RBKS: variants seen among roughly 807,000 people sequenced by gnomAD.
RBKS encodes the protein ribokinase.
RBKS carries 33 observed loss-of-function variants against 33.9 expected under a neutral mutation model. That is an observed-to-expected ratio of 0.97 (90% CI 0.74 to 1.30). The LOEUF (loss-of-function observed/expected upper bound fraction) is 1.30. Ranked by LOEUF, RBKS falls within the 50% of genes most tolerant of loss-of-function variation. RBKS has a pLI of 0.00. For synonymous variants in RBKS, 125 were observed against 143.0 expected (o/e 0.87, Z 0.90); for missense variants, 361 against 392.6 (o/e 0.92, Z 0.68).
intron 7 of RBKS, among the ~76,000 whole-genome samples, chr2:27,801,958 AAAAAAATAT>A (rs1558536409): frequency 4.2e-4 from 28 of 67,284 alleles, no homozygotes; most frequent in Middle Eastern, 5.7e-3. Context: ...GGGAAAAAAA[AAAAAAATAT>A]ATATATATAT....
chr2:27,829,649 G>T (rs926351643), intron 6 of RBKS, among the ~76,000 whole-genome samples: 1 of 152,166 alleles, frequency 6.6e-6, no homozygotes, highest in Non-Finnish European at 1.5e-5. Flanking sequence ...TTACAGGCGT[G>T]AGCCACCACG....
intron 5 of RBKS, among the ~76,000 whole-genome samples, chr2:27,833,792 A>G (rs1222535859): frequency 1.3e-5 from 2 of 152,226 alleles, no homozygotes; most frequent in Non-Finnish European, 2.9e-5. Context: ...AATTACATTC[A>G]TAGGAAGCTC....
intron 7 of RBKS, among the ~76,000 whole-genome samples, chr2:27,783,975 CTTTTTTTTTTT>C (rs1161206494): frequency 2.2e-4 from 12 of 55,312 alleles, no homozygotes; most frequent in Non-Finnish European, 3.6e-4. Flanking sequence ...GGGTCATTTT[CTTTTTTTTTTT>C]TTTTTTTTTT....
intron 5 of RBKS, among the ~76,000 whole-genome samples, chr2:27,836,506 T>A (rs1463491581): frequency 6.6e-6 from 1 of 152,186 alleles, no homozygotes; most frequent in Non-Finnish European, 1.5e-5. Context: ...CAAGATGGAT[T>A]AAATATTTTA....
At chr2:27,856,716 T>C (rs1663864246) in intron 2 of RBKS, among the ~76,000 whole-genome samples, 1 of 152,186 alleles carries the variant, frequency 6.6e-6, no homozygotes, top group South Asian at 2.1e-4. Flanking sequence ...CGAAGCCATT[T>C]TGGGTGCATA....
At chr2:27,871,991 A>G (rs1440819182) in intron 1 of RBKS, among the ~76,000 whole-genome samples, 1 of 152,234 alleles carries the variant, frequency 6.6e-6, no homozygotes, top group Non-Finnish European at 1.5e-5. Context: ...GCAGTTCACG[A>G]TAGGGTTCAC....
At chr2:27,801,569 GATAC>G (rs1449690813) in intron 7 of RBKS, among the ~76,000 whole-genome samples, 1 of 151,852 alleles carries the variant, frequency 6.6e-6, no homozygotes, top group African/African-American at 2.4e-5. Context: ...GTGTGAAAGT[GATAC>G]ATATTCAGTA....
chr2:27,870,577 T>C, intron 1 of RBKS: 2 of 357,954 alleles, frequency 5.6e-6, no homozygotes, highest in Non-Finnish European at 1.1e-5. Context: ...TAAGGGCATG[T>C]ACTTTAACGT....
At chr2:27,788,005 G>A (rs1028766898) in intron 7 of RBKS, among the ~76,000 whole-genome samples, 1 of 152,068 alleles carries the variant, frequency 6.6e-6, no homozygotes, top group African/African-American at 2.4e-5. Flanking sequence ...ATATCAACAG[G>A]AGCTGAAAAA....
In RBKS at chr2:27,827,639, A is replaced by AC. The variant is rs868306943; in HGVS notation, c.722dup (p.Cys241TrpfsTer10). 9.9e-6 allele frequency: 16 copies of AC among 1,613,854 alleles called. No individual in the cohort carries two copies. The African/African-American group carries it at 1.9e-4, about 19-fold the overall frequency. The stretch of plus-strand genomic sequence containing the variant: ...CAGGTTCTGTCTGTGACAGCACCAC[A>AC]CATCCTTCAGCCCCTAAGGTAATGA... On this transcript the variant is annotated frameshift_variant, in exon 7 of 8. Coordinates refer to ENST00000302188, the MANE Select transcript of RBKS (RefSeq NM_022128.3). LOFTEE classifies it high-confidence loss of function.
chr2:27,798,148 G>A (rs758123149), intron 7 of RBKS, among the ~76,000 whole-genome samples: 4 of 152,038 alleles, frequency 2.6e-5, no homozygotes, highest in Admixed American at 6.6e-5. Context: ...TCATGTAGGC[G>A]CCCAAGTCCT....
intron 7 of RBKS, among the ~76,000 whole-genome samples, chr2:27,811,810 ATC>A (rs1677990480): frequency 5.9e-5 from 9 of 152,178 alleles, no homozygotes; most frequent in Non-Finnish European, 8.8e-5. Flanking sequence ...GGTCCGGGTA[ATC>A]ATGGGGCTTG....
chr2:27,809,323 T>C (rs1677948776), intron 7 of RBKS, among the ~76,000 whole-genome samples: 1 of 152,240 alleles, frequency 6.6e-6, no homozygotes, highest in South Asian at 2.1e-4. Context: ...CTGAGAAGAA[T>C]GGCCTGTGGA....
At chr2:27,862,300 TA>T (rs1346078216) in intron 1 of RBKS, among the ~76,000 whole-genome samples, 2 of 152,194 alleles carry the variant, frequency 1.3e-5, no homozygotes, top group East Asian at 3.8e-4. Context: ...TCTCCCATGA[TA>T]TGTACATGCA....
chr2:27,788,150 A>C (rs1305192445), intron 7 of RBKS, among the ~76,000 whole-genome samples: 1 of 152,182 alleles, frequency 6.6e-6, no homozygotes, highest in Non-Finnish European at 1.5e-5. Context: ...GAAAGACTGA[A>C]TGCTTCCTCC....
At chr2:27,847,143 G>T in intron 3 of RBKS, 39 bp from the exon 4 acceptor site, 2 of 1,166,482 alleles carry the variant, frequency 1.7e-6, no homozygotes, top group Non-Finnish European at 2.6e-6. Context: ...ATGTATACAG[G>T]CTGGCATGGA....
intron 2 of RBKS, among the ~76,000 whole-genome samples, chr2:27,848,888 G>C (rs1663676149): frequency 6.6e-6 from 1 of 151,856 alleles, no homozygotes; most frequent in South Asian, 2.1e-4. Context: ...ACAGTGATGG[G>C]TTCATGAATG....
intron 7 of RBKS, among the ~76,000 whole-genome samples, chr2:27,791,141 T>TAGC (rs1677513039): frequency 6.6e-6 from 1 of 152,180 alleles, no homozygotes; most frequent in African/African-American, 2.4e-5. Context: ...TCAAAAGAAT[T>TAGC]ATGCTAAGTG....
chr2:27,840,364 G>A (rs58875796), intron 5 of RBKS, among the ~76,000 whole-genome samples: 14,348 of 129,850 alleles, frequency 0.11, 747 homozygotes, highest in African/African-American at 0.13. Context: ...ACGCGCGCGC[G>A]CACACACACA....
Sources: gnomAD v4.1 joint callset for allele counts (sites outside exome capture counted in the v4.1 genomes callset) on GRCh38, gnomAD v4.1.1 for gene constraint, MANE v1.5 for transcripts, NCBI Gene and HGNC (gene_info 2026-07-23, HGNC 2026-07-21) for gene names.